The following NAGA variants were observed in gnomAD, a reference collection of about 807,000 sequenced individuals.
NAGA encodes the protein Acetylgalactosaminidase, alpha-N- (alpha-galactosidase B).
Under a neutral mutation model 45.6 loss-of-function variants are expected in NAGA, and 42 were observed. The ratio of observed to expected loss-of-function variants is 0.92; its 90% confidence interval spans 0.72 to 1.19. NAGA has a LOEUF of 1.19. NAGA is among the 50% of genes most tolerant of loss of function. The pLI, the probability that NAGA is intolerant of heterozygous loss-of-function variation, is 0.00. For synonymous variants in NAGA, 176 were observed against 203.1 expected (o/e 0.87, Z 1.13); for missense variants, 493 against 544.8 (o/e 0.90, Z 0.95).
rs1483496616 is a variant in NAGA at position 42,059,679 on chromosome 22, A to G, written c.*600T>C. 6.4e-6 allele frequency: 1 copy of G among 156,924 alleles called. No homozygotes were observed. Among genetic ancestry groups the G allele is most frequent in the East Asian group, 1.9e-4 (1 of 5,322 alleles). The allele number at this position is 156,924 out of a possible 1,614,324, so 9.7% of individuals were successfully genotyped here. A position where few individuals can be genotyped will look rare whatever the true frequency, so the allele number is the denominator to read the frequency against. ...GGCCAGACGATGCCAGACATCATCC[A>G]TAGAGGTGAGATTTGAATCCAGCAC... On this transcript the variant is annotated 3_prime_UTR_variant, in exon 9 of 9. Transcript: ENST00000396398.
chr22:42,067,882 G>C lies in NAGA; in HGVS notation c.207C>G (p.Asp69Glu). The part of the protein sequence containing the change: ...ADRMAQDGWR[D>E]MGYTYLNIDD... Reference sequence around the variant, plus strand: ...CAATGTTGAGGTATGTGTAGCCCATGTCCCGCCATCCATCCTGTGCCATCC... The same window carrying C: ...CAATGTTGAGGTATGTGTAGCCCATCTCCCGCCATCCATCCTGTGCCATCC... Residue 69 changes from aspartate to glutamate, a missense_variant, in exon 3 of 9, where the codon GAC becomes GAG. Transcript: ENST00000396398. The C allele has an allele frequency of 6.2e-6, 10 of 1,613,760 alleles. No individual in the cohort carries two copies. The highest frequency in any genetic ancestry group is 8.5e-6 in the Non-Finnish European group (10 of 1,179,990).
At chr22:42,062,764 GC>G in intron 7 of NAGA, 62 bp downstream of exon 7, 1 of 1,574,566 alleles carries the variant, frequency 6.4e-7, no homozygotes, top group Non-Finnish European at 8.7e-7. Context: ...GAGGCTGGCA[GC>G]CTTTCTCTCA....
chr22:42,065,431 A>G (rs1360347311), intron 6 of NAGA, among the ~76,000 whole-genome samples: 1 of 152,220 alleles, frequency 6.6e-6, no homozygotes, highest in Non-Finnish European at 1.5e-5. Context: ...TTCAACCTGC[A>G]GAGCAATAAC....
intron 6 of NAGA, among the ~76,000 whole-genome samples, chr22:42,063,882 C>T (rs1926557013): frequency 1.3e-5 from 2 of 152,216 alleles, no homozygotes; most frequent in South Asian, 4.1e-4. Context: ...AGCAAAACCT[C>T]ATTTCTACTG....
chr22:42,068,654 T>C, intron 1 of NAGA, 80 bp from the exon 2 acceptor site: 1 of 1,572,450 alleles, frequency 6.4e-7, no homozygotes, highest in South Asian at 1.1e-5. Flanking sequence ...ATCTGTATGT[T>C]GCTCAGCCCT....
rs756709704 is a variant in NAGA, at chr22:42,060,465, G to GT, written c.1102-53_1102-52insA. The GT allele has an allele frequency of 3.7e-6, 6 of 1,605,770 alleles. No individual in the cohort carries two copies. In the African/African-American group the frequency reaches 8.3e-5, roughly 22 times the overall value. On this transcript the variant is annotated intron_variant, in intron 8 of 8. Transcript: ENST00000396398. ...GCCACCATGAGAGTGGCGGCACAGA[G>GT]ACCCCCCCCGCTAGAGGATGTAGAA... is the stretch of plus-strand genomic sequence containing the variant.
chr22:42,061,197 C>T (rs1926365570), intron 7 of NAGA, 130 bp from the exon 8 acceptor site: 5 of 1,165,018 alleles, frequency 4.3e-6, no homozygotes, highest in Admixed American at 2.0e-5. Flanking sequence ...AGGGAGGATG[C>T]CACGGGCCTC....
At position 42,066,276 on chromosome 22, in the gene NAGA, C is replaced by T. The variant is rs373910859; in HGVS notation, c.598-377G>A. 2.6e-3 allele frequency among the ~76,000 whole-genome samples: 393 copies of T among 152,150 alleles called. 1 individual carries two copies. Among genetic ancestry groups the T allele is most frequent in the African/African-American group, 9.1e-3 (377 of 41,512 alleles). On this transcript the variant is annotated intron_variant, in intron 5 of 8. Coordinates refer to ENST00000396398, the MANE Select transcript of NAGA (RefSeq NM_000262.3). ...TCAGCTCCAGAGGCCTGAGCCCACC[C>T]TTTTTGGTGTCAAACATGCTAAGGG...
Position 42,068,423 on chromosome 22 carries a change from T to C in NAGA, c.152+16A>G, listed in dbSNP as rs1349930683. The C allele has an allele frequency of 6.2e-7, 1 of 1,613,988 alleles. No individual in the cohort carries two copies. Among genetic ancestry groups the C allele is most frequent in the Non-Finnish European group, 8.5e-7 (1 of 1,179,996 alleles). Reference sequence around the variant, plus strand: ...CCCTGGGCAAGGCTCATCAGGTGAGTGTGGACCTTACTCACCTTATGCAGT... The same window carrying C: ...CCCTGGGCAAGGCTCATCAGGTGAGCGTGGACCTTACTCACCTTATGCAGT... On this transcript the variant is annotated intron_variant, in intron 2 of 8. Coordinates refer to ENST00000396398, the MANE Select transcript of NAGA (RefSeq NM_000262.3).
chr22:42,066,953 G>T, intron 4 of NAGA, 149 bp from the exon 5 acceptor site: 1 of 1,380,410 alleles, frequency 7.2e-7, no homozygotes, highest in Non-Finnish European at 1.0e-6. Flanking sequence ...TGCTTCCAGG[G>T]TGGGCTATGC....
At position 42,069,299 on chromosome 22, in the gene NAGA, T is replaced by C. The variant is rs910585621; in HGVS notation, c.17-725A>G. ...AATACACCTAACCTGGCAAACATCA[T>C]AGCTGAGCCTAGCCTACCTTAAAAA... is the stretch of plus-strand genomic sequence containing the variant. On this transcript the variant is annotated intron_variant, in intron 1 of 8. Coordinates refer to ENST00000396398, the MANE Select transcript of NAGA (RefSeq NM_000262.3). Among the ~76,000 whole-genome samples the C allele has an allele frequency of 2.6e-5, 4 of 152,072 alleles. No homozygotes were observed. The South Asian group carries it at 6.2e-4, about 24-fold the overall frequency.
chr22:42,069,408 G>A (rs1253837490), intron 1 of NAGA, among the ~76,000 whole-genome samples: 1 of 151,814 alleles, frequency 6.6e-6, no homozygotes, highest in Non-Finnish European at 1.5e-5. Context: ...GTAAGTCAGG[G>A]GTTCAAGACC....
At chr22:42,068,035 G>T (rs1926848334) in intron 2 of NAGA, 99 bp from the exon 3 acceptor site, 7 of 1,168,962 alleles carry the variant, frequency 6.0e-6, no homozygotes, top group Non-Finnish European at 6.4e-6. Flanking sequence ...TAAAAACCAT[G>T]ACCTTGCTGA....
At chr22:42,061,251 C>T (rs986275768) in intron 7 of NAGA, among the ~76,000 whole-genome samples, 184 bp from the exon 8 acceptor site, 1 of 152,230 alleles carries the variant, frequency 6.6e-6, no homozygotes, top group Non-Finnish European at 1.5e-5. Context: ...CCTTCCCTGA[C>T]TCAGCAGATA....
chr22:42,062,782 C>A lies in NAGA; in HGVS notation c.957+45G>T, dbSNP rs754497232. On this transcript the variant is annotated intron_variant, in intron 7 of 8. Transcript: ENST00000396398. ...GCTGGCAGCCTTTCTCTCAGGAGAA[C>A]CCAGTTCCTCAGCCCTCCCCTTCCT... 5.6e-6 allele frequency: 9 copies of A among 1,601,764 alleles called. 1 individual carries two copies. The South Asian group carries it at 9.9e-5, about 18-fold the overall frequency.
At chr22:42,066,983 G>A (rs1926771790) in intron 4 of NAGA, 130 bp downstream of exon 4, 2 of 1,471,934 alleles carry the variant, frequency 1.4e-6, no homozygotes, top group Non-Finnish European at 1.9e-6. Flanking sequence ...TATTTAGGGA[G>A]CCTGGGAGCC....
In NAGA at chr22:42,068,537, C is replaced by T; in HGVS notation, c.54G>A (p.Leu18=). The T allele has an allele frequency of 6.2e-7, 1 of 1,614,122 alleles. No homozygotes were observed. The highest frequency in any genetic ancestry group is 8.5e-7 in the Non-Finnish European group (1 of 1,180,016). Residue 18 remains leucine, a synonymous_variant, in exon 2 of 9, where the codon CTG becomes CTA. Coordinates refer to ENST00000396398, the MANE Select transcript of NAGA (RefSeq NM_000262.3). ...LLGHVAQVLM[L]DNGLLQTPPM... ...GTGGTGTCTGCAGGAGCCCATTGTC[C>T]AGCATCAGCACCTGGGCCACATGTC... is the stretch of plus-strand genomic sequence containing the variant.
chr22:42,059,780 T>G lies in NAGA; in HGVS notation c.*499A>C. ...TACAACTACTTGATTAAAGAACAGG[T>G]TTATTGGTGACCTGAGGGAGCCAAG... On this transcript the variant is annotated 3_prime_UTR_variant, in exon 9 of 9. Coordinates refer to ENST00000396398, the MANE Select transcript of NAGA (RefSeq NM_000262.3). The G allele has an allele frequency of 5.5e-6, 1 of 182,806 alleles. No individual in the cohort carries two copies. The highest frequency in any genetic ancestry group is 1.3e-4 in the East Asian group (1 of 7,636). The allele number at this position is 182,806 out of a possible 1,614,324, so 11.3% of individuals were successfully genotyped here. A position where few individuals can be genotyped will look rare whatever the true frequency, so the allele number is the denominator to read the frequency against.
chr22:42,069,400 A>C (rs1184464920), intron 1 of NAGA, among the ~76,000 whole-genome samples: 2 of 152,094 alleles, frequency 1.3e-5, no homozygotes, highest in Non-Finnish European at 2.9e-5. Context: ...GGATCACCGT[A>C]AGTCAGGGGT....
Sources: allele counts gnomAD v4.1 joint callset (sites outside exome capture counted in the v4.1 genomes callset), GRCh38; gene constraint gnomAD v4.1.1; transcripts MANE v1.5; gene names NCBI Gene and HGNC (gene_info 2026-07-23, HGNC 2026-07-21).